Variants in RIF1 observed in about 807,000 individuals in gnomAD.
RIF1 encodes the protein telomere-associated protein RIF1.
In RIF1, 45 loss-of-function variants were observed where a neutral mutation model predicts 247.1. The ratio of observed to expected loss-of-function variants is 0.18; its 90% CI spans 0.14 to 0.23. RIF1 has a LOEUF of 0.23. Ranked by LOEUF, RIF1 falls within the 10% of genes least tolerant of loss-of-function variation. RIF1 has a pLI of 1.00. For missense variants in RIF1, 2,967 were observed against 2,862.5 expected (o/e 1.04, Z -0.83); for synonymous variants, 1,087 against 978.8 (o/e 1.11, Z -2.06).
chr2:151,505,381 G>A (rs1559327090), intron 12 of RIF1: 2 of 1,056,772 alleles, frequency 1.9e-6, no homozygotes, highest in East Asian at 4.8e-5. Flanking sequence ...CCAAGGCATG[G>A]AAGCTCTTGA....
the RIF1 span, chr2:151,533,386 G>A: frequency 2.7e-6 from 3 of 1,128,076 alleles, no homozygotes; most frequent in South Asian, 2.7e-5. Flanking sequence ...AGCATACAAG[G>A]GAATGCATCC....
At chr2:151,433,291 C>A in intron 10 of RIF1, 63 bp downstream of exon 10, 4 of 1,298,216 alleles carry the variant, frequency 3.1e-6, no homozygotes, top group Non-Finnish European at 3.3e-6. Context: ...TAAATTCTTA[C>A]CAATGTAATC....
chr2:151,428,649 A>G (rs368288068), intron 8 of RIF1, 135 bp from the exon 9 acceptor site: 41 of 679,954 alleles, frequency 6.0e-5, no homozygotes, highest in Non-Finnish European at 1.0e-4. Flanking sequence ...TGTTTTGTGA[A>G]TAATTTGTCT....
intron 12 of RIF1, among the ~76,000 whole-genome samples, chr2:151,504,967 TGAAAG>T (rs1042666589): frequency 3.3e-5 from 5 of 151,958 alleles, no homozygotes; most frequent in Non-Finnish European, 7.4e-5. Context: ...GAAGAAACCT[TGAAAG>T]GGAGGGGAGA....
intron 11 of RIF1, chr2:151,501,325 G>T: frequency 1.9e-6 from 2 of 1,053,890 alleles, no homozygotes; most frequent in South Asian, 1.4e-5. Flanking sequence ...GATGAACAGT[G>T]AGATGTTCTG....
At position 151,506,026 on chromosome 2, in the gene RIF1, G is replaced by A. The variant is rs569938511; in HGVS notation, c.*862-184G>A. 5.2e-6 allele frequency: 4 copies of A among 762,078 alleles called. No individual in the cohort carries two copies. In the South Asian group the frequency reaches 6.0e-5, roughly 11 times the overall value. 47.2% of individuals were successfully genotyped at this position (762,078 alleles called of 1,614,324 possible). A position where few individuals can be genotyped will look rare whatever the true frequency, so the allele number is the denominator to read the frequency against. ...TGAATATGAGATGACTCTAGCCACT[G>A]TGTGGTGGTGGTACACAGGCACCTA... On this transcript the variant is annotated intron_variant and NMD_transcript_variant, in intron 12 of 13. Coordinates refer to the RIF1 transcript ENST00000454583.
Position 151,475,548 on chromosome 2 carries a change from CAAATG to C in RIF1, c.*483_*487del, listed in dbSNP as rs2048887597. The C allele has an allele frequency of 6.5e-6, 1 of 153,558 alleles. No homozygotes were observed. The highest frequency in any genetic ancestry group is 2.0e-4 in the South Asian group (1 of 4,978). The allele number at this position is 153,558 out of a possible 1,614,324, so 9.5% of individuals were successfully genotyped here. A position where few individuals can be genotyped will look rare whatever the true frequency, so the allele number is the denominator to read the frequency against. ...GAAGTTTGTTACTGGTTAAAAACCT[CAAATG>C]AAATGCGAAAGAATTTGAATTTTTC... On this transcript the variant is annotated 3_prime_UTR_variant, in exon 36 of 36. Transcript: ENST00000444746.
chr2:151,483,824 C>G (rs1343900596), downstream of RIF1, among the ~76,000 whole-genome samples: 1 of 152,092 alleles, frequency 6.6e-6, no homozygotes, highest in African/African-American at 2.4e-5. Flanking sequence ...GCAGTAAATT[C>G]TTCATGAACT....
chr2:151,424,876 T>G (rs575581386), intron 8 of RIF1, among the ~76,000 whole-genome samples: 13 of 125,228 alleles, frequency 1.0e-4, no homozygotes, highest in Non-Finnish European at 1.8e-4. Context: ...TTGTAGAGAC[T>G]GGGTTTTGCC....
At chr2:151,524,643 C>T in the RIF1 span, 11 of 527,362 alleles carry the variant, frequency 2.1e-5, no homozygotes, top group Middle Eastern at 8.6e-4. Flanking sequence ...AATGTTTACT[C>T]AAGAGAGAGG....
the RIF1 span, among the ~76,000 whole-genome samples, chr2:151,521,222 G>C: frequency 1.3e-5 from 2 of 152,138 alleles, no homozygotes; most frequent in African/African-American, 2.4e-5. Flanking sequence ...TGCCACATCA[G>C]AGAAAATGCA....
intron 9 of RIF1, chr2:151,489,821 G>T: frequency 4.1e-6 from 2 of 491,610 alleles, no homozygotes; most frequent in South Asian, 4.4e-5. Context: ...AAAGTTTTCT[G>T]ATATCATTAA....
chr2:151,452,794 A>T (rs1045759208), intron 21 of RIF1, among the ~76,000 whole-genome samples: 1 of 152,242 alleles, frequency 6.6e-6, no homozygotes, highest in East Asian at 1.9e-4. Flanking sequence ...AGCGAAGATG[A>T]TCAGTCTCAT....
chr2:151,506,883 A>G, intron 13 of RIF1: 1 of 1,448,174 alleles, frequency 6.9e-7, no homozygotes, highest in Non-Finnish European at 9.7e-7. Context: ...GGTTAGCATT[A>G]AATGCAAAAT....
chr2:151,421,398 G>A (rs1231664159), intron 7 of RIF1, among the ~76,000 whole-genome samples: 1 of 152,216 alleles, frequency 6.6e-6, no homozygotes, highest in Non-Finnish European at 1.5e-5. Flanking sequence ...GAGGGCAAAA[G>A]GCCCTGCTCT....
chr2:151,434,496 AGT>A, intron 10 of RIF1, among the ~76,000 whole-genome samples: 1 of 130,978 alleles, frequency 7.6e-6, no homozygotes, highest in Non-Finnish European at 1.5e-5. Context: ...GCTAGGGTGC[AGT>A]GGCACGATCT....
the RIF1 span, chr2:151,526,902 G>T: frequency 6.5e-7 from 1 of 1,532,070 alleles, no homozygotes; most frequent in African/African-American, 1.4e-5. Flanking sequence ...CATCATGGAA[G>T]GAACTAGGTA....
rs748978197 is a variant in RIF1, at chr2:151,494,221, G to A, written c.*416-1008G>A. On this transcript the variant is annotated intron_variant and NMD_transcript_variant, in intron 9 of 13. Transcript: ENST00000454583. ...GCATCTCAGGAGTGACAGGGGTTGC[G>A]GTGGCTTTCCCCACATTTTCTTTGT... The A allele has an allele frequency of 8.7e-6, 14 of 1,605,350 alleles. No individual in the cohort carries two copies. Among genetic ancestry groups the A allele is most frequent in the Admixed American group, 6.8e-5 (4 of 59,112 alleles).
At chr2:151,411,394 T>TC (rs1558921882) in intron 3 of RIF1, 56 bp downstream of exon 3, 1 of 1,230,872 alleles carries the variant, frequency 8.1e-7, no homozygotes, top group Non-Finnish European at 1.2e-6. Context: ...TTTTTTTTTT[T>TC]GGTTTTGTTT....
Sources: gnomAD v4.1 joint callset for allele counts (sites outside exome capture counted in the v4.1 genomes callset) on GRCh38, gnomAD v4.1.1 for gene constraint, MANE v1.5 for transcripts, NCBI Gene and HGNC (gene_info 2026-07-23, HGNC 2026-07-21) for gene names.